Variants in TSPAN18 observed in about 807,000 individuals in gnomAD.
TSPAN18 encodes tetraspanin-18.
In TSPAN18, 14 loss-of-function variants were observed where a neutral mutation model predicts 27.3. That is an observed-to-expected ratio of 0.51 (90% CI 0.34 to 0.80). The LOEUF is 0.80. Among genes scored for constraint, TSPAN18 ranks in the 30% least tolerant of loss-of-function variants. The probability of loss-of-function intolerance (pLI) is 0.01; values close to 1 mark genes in which losing one functional copy is unlikely to be tolerated. For missense variants in TSPAN18, 268 were observed against 323.9 expected, an observed-to-expected ratio of 0.83 and a Z score of 1.32; for synonymous variants, 143 against 136.5, an observed-to-expected ratio of 1.05 and a Z score of -0.33.
intron 3 of TSPAN18, among the ~76,000 whole-genome samples, chr11:44,863,030 G>C (rs1266520218): frequency 6.6e-6 from 1 of 152,142 alleles, no homozygotes; most frequent in South Asian, 2.1e-4. Context: ...CACCTCAGAG[G>C]CCAGATTTTT....
In TSPAN18 at chr11:44,930,872, C is replaced by T. The variant is rs1021760055; in HGVS notation, c.*1694C>T. On this transcript the variant is annotated 3_prime_UTR_variant, in exon 10 of 10. Transcript: ENST00000520358. ...TCTGTCCCTCTTCAGGAAGAAAGAGCTCATTCTGTCTCACAAGCCACCGGC... is the reference window on the plus strand; with the variant it reads ...TCTGTCCCTCTTCAGGAAGAAAGAGTTCATTCTGTCTCACAAGCCACCGGC... 1.9e-6 allele frequency: 1 copy of T among 520,898 alleles called. No individual in the cohort carries two copies. The highest frequency in any genetic ancestry group is 3.9e-6 in the Non-Finnish European group (1 of 253,584). The allele number at this position is 520,898 out of a possible 1,614,324, so 32.3% of individuals were successfully genotyped here.
chr11:44,786,847 G>A (rs1856070105), intron 2 of TSPAN18, among the ~76,000 whole-genome samples: 1 of 151,996 alleles, frequency 6.6e-6, no homozygotes, highest in African/African-American at 2.4e-5. Flanking sequence ...GGCCAGGCTG[G>A]TCTTGAACTC....
intron 2 of TSPAN18, among the ~76,000 whole-genome samples, chr11:44,785,661 C>G (rs750225915): frequency 6.6e-6 from 1 of 151,928 alleles, no homozygotes; most frequent in East Asian, 1.9e-4. Context: ...TGATAATGCT[C>G]CCTTTGTCTG....
At chr11:44,894,462 G>GC (rs1399906849) in intron 3 of TSPAN18, among the ~76,000 whole-genome samples, 1 of 152,222 alleles carries the variant, frequency 6.6e-6, no homozygotes, top group Admixed American at 6.5e-5. Context: ...TAGAAAGCAT[G>GC]CCTGGGGGCG....
chr11:44,733,813 G>T (rs1209034414), intron 1 of TSPAN18, among the ~76,000 whole-genome samples: 1 of 152,178 alleles, frequency 6.6e-6, no homozygotes, highest in African/African-American at 2.4e-5. Flanking sequence ...GCTACCTGCA[G>T]CTCCCATCCA....
intron 1 of TSPAN18, among the ~76,000 whole-genome samples, chr11:44,739,961 T>C (rs959578010): frequency 7.9e-5 from 12 of 152,156 alleles, no homozygotes; most frequent in African/African-American, 2.9e-4. Flanking sequence ...TGCCACTGCA[T>C]GGCCAGCCGT....
At chr11:44,895,212 C>A (rs963950319) in intron 3 of TSPAN18, among the ~76,000 whole-genome samples, 1 of 152,172 alleles carries the variant, frequency 6.6e-6, no homozygotes, top group Non-Finnish European at 1.5e-5. Context: ...CCACGCTACC[C>A]AAGCCATGTG....
intron 3 of TSPAN18, among the ~76,000 whole-genome samples, chr11:44,867,505 T>C (rs1858073317): frequency 6.9e-6 from 1 of 145,374 alleles, no homozygotes; most frequent in Admixed American, 7.0e-5. Context: ...TTCAAGTAAT[T>C]CTCCTGCCTC....
At chr11:44,922,307 C>T (rs947190551) in intron 8 of TSPAN18, among the ~76,000 whole-genome samples, 6 of 152,068 alleles carry the variant, frequency 3.9e-5, no homozygotes, top group Non-Finnish European at 7.4e-5. Context: ...TGGTAGAGAC[C>T]GGCATTTCAC....
At chr11:44,752,003 T>TC (rs914256175) in intron 1 of TSPAN18, among the ~76,000 whole-genome samples, 1 of 152,152 alleles carries the variant, frequency 6.6e-6, no homozygotes, top group African/African-American at 2.4e-5. Flanking sequence ...CCCAGTTTTT[T>TC]CCCTGTGTGT....
At chr11:44,815,786 C>T (rs1033893346) in intron 2 of TSPAN18, among the ~76,000 whole-genome samples, 2 of 151,978 alleles carry the variant, frequency 1.3e-5, no homozygotes, top group Admixed American at 6.6e-5. Flanking sequence ...CTTGGAGGAG[C>T]GGGCAGTTGA....
chr11:44,830,315 G>T (rs914376810), intron 2 of TSPAN18, among the ~76,000 whole-genome samples: 3 of 152,152 alleles, frequency 2.0e-5, no homozygotes, highest in Non-Finnish European at 4.4e-5. Context: ...TTTCAAACTG[G>T]ACTTACAGAT....
rs1428261171 is a variant in TSPAN18, at chr11:44,908,827, GAA to G, written c.64-874_64-873del. Among the ~76,000 whole-genome samples, 52 of 112,144 alleles carry G rather than the reference GAA, an allele frequency of 4.6e-4. 7 individuals carry two copies. The highest frequency in any genetic ancestry group is 2.1e-3 in the East Asian group (10 of 4,722). 73.6% of individuals were successfully genotyped at this position (112,144 alleles called of 152,430 possible). On this transcript the variant is annotated intron_variant, in intron 4 of 9. Coordinates refer to ENST00000520358, the MANE Select transcript of TSPAN18 (RefSeq NM_130783.5). ...AGAAAGAAAGAAAGAAAGAAAGAAA[GAA>G]AAAGAAAAATGGAGCAGATATTTAT...
chr11:44,882,852 TTTG>T (rs958137143), intron 3 of TSPAN18, among the ~76,000 whole-genome samples: 11 of 152,254 alleles, frequency 7.2e-5, no homozygotes, highest in Middle Eastern at 3.4e-3. Flanking sequence ...GGCGCTGCCT[TTTG>T]TTCTTACATC....
At chr11:44,808,931 C>G (rs1210908122) in intron 2 of TSPAN18, among the ~76,000 whole-genome samples, 6 of 152,186 alleles carry the variant, frequency 3.9e-5, no homozygotes, top group African/African-American at 1.4e-4. Context: ...TGTGCCTTGA[C>G]TCCTTTCCAG....
intron 1 of TSPAN18, among the ~76,000 whole-genome samples, chr11:44,743,384 G>T (rs958116846): frequency 6.6e-6 from 1 of 150,992 alleles, no homozygotes; most frequent in Admixed American, 6.6e-5. Flanking sequence ...GCAGTGGTTA[G>T]AGCCGAGGCC....
At chr11:44,763,728 A>T (rs1235692498) in intron 1 of TSPAN18, among the ~76,000 whole-genome samples, 1 of 152,220 alleles carries the variant, frequency 6.6e-6, no homozygotes, top group Non-Finnish European at 1.5e-5. Flanking sequence ...CAATGCCATC[A>T]CATGGATATA....
intron 3 of TSPAN18, among the ~76,000 whole-genome samples, chr11:44,864,648 A>G (rs835750): frequency 0.35 from 53,054 of 152,080 alleles, 9,585 homozygotes; most frequent in South Asian, 0.44. Flanking sequence ...AGTGTTGCAC[A>G]TGGACCTTAT....
intron 2 of TSPAN18, among the ~76,000 whole-genome samples, chr11:44,806,439 A>G (rs752700656): frequency 6.6e-6 from 1 of 152,198 alleles, no homozygotes; most frequent in South Asian, 2.1e-4. Context: ...AAGCACACAG[A>G]TAAGGACGAC....
Sources: allele counts gnomAD v4.1 joint callset (sites outside exome capture counted in the v4.1 genomes callset), GRCh38; gene constraint gnomAD v4.1.1; transcripts MANE v1.5; gene names NCBI Gene and HGNC (gene_info 2026-07-23, HGNC 2026-07-21).